Variants in PLEKHG5 observed in about 807,000 individuals in gnomAD.
PLEKHG5 encodes the protein pleckstrin homology and RhoGEF domain containing G5.
In PLEKHG5, 52 loss-of-function variants were observed where a neutral mutation model predicts 103.8. The ratio of observed to expected loss-of-function variants is 0.50; its 90% CI spans 0.40 to 0.63. The LOEUF (loss-of-function observed/expected upper bound fraction) is 0.63. Ranked by LOEUF, PLEKHG5 falls within the 30% of genes least tolerant of loss-of-function variation. The pLI, the probability that PLEKHG5 is intolerant of heterozygous loss-of-function variation, is 0.00. For missense variants in PLEKHG5, 1,205 were observed against 1,347.6 expected (o/e 0.89, Z 1.66); for synonymous variants, 592 against 575.5 (o/e 1.03, Z -0.41).
chr1:6,504,480 G>T (rs916229867), intron 1 of PLEKHG5, among the ~76,000 whole-genome samples: 2 of 152,184 alleles, frequency 1.3e-5, no homozygotes, highest in African/African-American at 4.8e-5. Context: ...CCACAGTGGG[G>T]GGCTGGTCAC....
upstream of PLEKHG5, among the ~76,000 whole-genome samples, chr1:6,498,602 G>A (rs1163485910): frequency 6.6e-6 from 1 of 152,206 alleles, no homozygotes; most frequent in Admixed American, 6.5e-5. Context: ...GTAGCCCTTT[G>A]GGGGGCAGCA....
upstream of PLEKHG5, chr1:6,497,413 G>T: frequency 1.0e-6 from 1 of 980,106 alleles, no homozygotes; most frequent in Non-Finnish European, 1.2e-6. The surrounding 1 kb of genome is among the most constrained non-coding windows in gnomAD (Gnocchi z 6.1). Flanking sequence ...CGCCGCCGCC[G>T]GACCCTCGCA....
At chr1:6,495,044 C>A (rs970301879), upstream of PLEKHG5, among the ~76,000 whole-genome samples, 28 of 152,198 alleles carry the variant, frequency 1.8e-4, no homozygotes, top group East Asian at 9.6e-4. Flanking sequence ...AGCTTGAGGA[C>A]CCCCCCTGAG....
At chr1:6,506,590 G>C (rs145444397) in intron 1 of PLEKHG5, among the ~76,000 whole-genome samples, 1 of 152,176 alleles carries the variant, frequency 6.6e-6, no homozygotes, top group African/African-American at 2.4e-5. Context: ...CTGTGACCCC[G>C]CTCCCAGCCC....
upstream of PLEKHG5, among the ~76,000 whole-genome samples, chr1:6,499,491 C>T (rs1645271905): frequency 2.0e-5 from 3 of 152,194 alleles, no homozygotes; most frequent in Admixed American, 2.0e-4. Flanking sequence ...GAGGTAGCTC[C>T]CTCTGGGCTC....
At chr1:6,476,129 G>T in intron 2 of PLEKHG5, 93 bp from the exon 3 acceptor site, 1 of 1,038,044 alleles carries the variant, frequency 9.6e-7, no homozygotes, top group Non-Finnish European at 1.5e-6. Flanking sequence ...TGTTACCCTG[G>T]AACCCCCAGA....
rs749015188 is a variant in PLEKHG5 at position 6,467,950 on chromosome 1, C to G, written c.2886G>C (p.Ser962=). 1 of 1,572,668 alleles carries G rather than the reference C, an allele frequency of 6.4e-7. No individual in the cohort carries two copies. The highest frequency in any genetic ancestry group is 1.9e-5 in the Admixed American group (1 of 53,474). The change falls in exon 20 of 21, where the codon TCG becomes TCC. Residue 962 remains serine, a synonymous_variant. Transcript: ENST00000377728. Reference sequence around the variant, plus strand: ...CAGGCTGGACCCTGGGAGAGGCCCCCGAGGGCAGGTCTCCACACCTCTTCC... The same window carrying G: ...CAGGCTGGACCCTGGGAGAGGCCCCGGAGGGCAGGTCTCCACACCTCTTCC... ...SHRKRCGDLP[S]GASPRVQPEP... is the part of the protein sequence containing the mutation.
rs761319705 is a variant in PLEKHG5, at chr1:6,519,445, C to T, written c.-165G>A. On this transcript the variant is annotated splice_region_variant and 5_prime_UTR_variant, in exon 1 of 22. Transcript: ENST00000377740. ...CAAAAGAGATAGAAAACATACTCAC[C>T]GGTTCCTGAACAAAGGCTGAGCCAG... 22 of 1,609,698 alleles carry T rather than the reference C, an allele frequency of 1.4e-5. No homozygotes were observed. In the Admixed American group the frequency reaches 1.5e-4, roughly 11 times the overall value.
Position 6,470,915 on chromosome 1 carries a change from G to A in PLEKHG5, c.1393-31C>T, listed in dbSNP as rs1333735644. 4 of 1,549,908 alleles carry A rather than the reference G, an allele frequency of 2.6e-6. No individual in the cohort carries two copies. In the South Asian group the frequency reaches 3.5e-5, roughly 14 times the overall value. ...GTGGGGGAGTGGGGGCGGGCTCAGGGCAGGCCCCGCCCCACCCGGCCCCGT... is the reference window on the plus strand; with the variant it reads ...GTGGGGGAGTGGGGGCGGGCTCAGGACAGGCCCCGCCCCACCCGGCCCCGT... On this transcript the variant is annotated intron_variant, in intron 13 of 20. Coordinates refer to ENST00000377728, the MANE Select transcript of PLEKHG5 (RefSeq NM_020631.6).
upstream of PLEKHG5, among the ~76,000 whole-genome samples, chr1:6,500,520 T>TC (rs1316923219): frequency 2.8e-5 from 4 of 145,110 alleles, no homozygotes; most frequent in East Asian, 2.0e-4. Flanking sequence ...AACCCTGAAC[T>TC]CCCCCCTCCG....
chr1:6,497,443 G>A (rs868663999), upstream of PLEKHG5: 1,164 of 642,128 alleles, frequency 1.8e-3, 5 homozygotes, highest in Middle Eastern at 0.014. The surrounding 1 kb of genome is among the most constrained non-coding windows in gnomAD (Gnocchi z 6.1). Context: ...GGCGGGGCAG[G>A]TGGGCGGGGA....
At position 6,474,597 on chromosome 1, in the gene PLEKHG5, G is replaced by T; in HGVS notation, c.303-10C>A. 1 of 1,613,236 alleles carries T rather than the reference G, an allele frequency of 6.2e-7. No homozygotes were observed. The highest frequency in any genetic ancestry group is 1.1e-5 in the South Asian group (1 of 91,080). ...AGGCAGCAGCACCTCCCTGCCCCCA[G>T]GACAGGAGGCATGTGTGTTAGAACC... On this transcript the variant is annotated splice_polypyrimidine_tract_variant and intron_variant, in intron 5 of 20. Coordinates refer to ENST00000377728, the MANE Select transcript of PLEKHG5 (RefSeq NM_020631.6).
rs1281567980 is a variant in PLEKHG5 at position 6,470,648 on chromosome 1, G to C, written c.1543-5C>G. On this transcript the variant is annotated splice_region_variant and splice_polypyrimidine_tract_variant and intron_variant, in intron 14 of 20. Transcript: ENST00000377728. ...GAAGCGCTCCACGGAGCCGATCTAG[G>C]GGCAGGTGAGGGAGCTTCAGGTCCA... The C allele has an allele frequency of 2.6e-6, 4 of 1,564,800 alleles. No individual in the cohort carries two copies. The South Asian group carries it at 4.6e-5, about 18-fold the overall frequency.
chr1:6,482,761 A>G (rs899803016), intron 1 of PLEKHG5, among the ~76,000 whole-genome samples: 4 of 151,878 alleles, frequency 2.6e-5, no homozygotes, highest in Non-Finnish European at 4.4e-5. Flanking sequence ...CAGGCTGGAG[A>G]GCAGTGGCAT....
rs921634361 is a variant in PLEKHG5, at chr1:6,471,787, T to C, written c.1102A>G (p.Asn368Asp). 6.2e-7 allele frequency: 1 copy of C among 1,610,232 alleles called. No individual in the cohort carries two copies. The highest frequency in any genetic ancestry group is 2.2e-5 in the East Asian group (1 of 44,822). ...IINLFLCCLLNLQESGLLCEV... is the reference protein window; with the variant it reads ...IINLFLCCLLDLQESGLLCEV... The stretch of plus-strand genomic sequence containing the variant: ...CACAGCAGCCCTGACTCTTGCAGGT[T>C]CAGGAGGCAGCACAGGAACAGCTGT... Residue 368 changes from asparagine (N) to aspartate (D), a missense_variant, in exon 11 of 21, where the codon AAC becomes GAC. Transcript: ENST00000377728.
chr1:6,502,817 C>T (rs1224215218), intron 1 of PLEKHG5, among the ~76,000 whole-genome samples: 2 of 152,246 alleles, frequency 1.3e-5, no homozygotes, highest in Non-Finnish European at 2.9e-5. Flanking sequence ...CACAGACAGC[C>T]GTGTGCCCAG....
chr1:6,471,738 G>A lies in PLEKHG5; in HGVS notation c.1131+20C>T. ...CCTTCCTGGTACCTCACCCGCCGCC[G>A]CCCCCGAATCCCAGCGCACCTCACA... On this transcript the variant is annotated intron_variant, in intron 11 of 20. Coordinates refer to ENST00000377728, the MANE Select transcript of PLEKHG5 (RefSeq NM_020631.6). 5 of 1,603,004 alleles carry A rather than the reference G, an allele frequency of 3.1e-6. No homozygotes were observed. Among genetic ancestry groups the A allele is most frequent in the Non-Finnish European group, 4.3e-6 (5 of 1,175,254 alleles).
chr1:6,467,568 C>T lies in PLEKHG5; in HGVS notation c.3016G>A (p.Val1006Ile). The T allele has an allele frequency of 6.2e-7, 1 of 1,613,490 alleles. No homozygotes were observed. The highest frequency in any genetic ancestry group is 1.1e-5 in the South Asian group (1 of 91,078). The change falls in exon 21 of 21, where the codon GTC (valine) becomes ATC (isoleucine). Residue 1006 changes from valine to isoleucine, a missense_variant. Transcript: ENST00000377728. Reference protein sequence around the residue: ...LLNSTLTASEV With the variant: ...LLNSTLTASEI ...TCTTGGGGGCCTCCCTCTGCTCAGA[C>T]CTCCCTACAGGGTGGGGAGGGGACA...
intron 1 of PLEKHG5, among the ~76,000 whole-genome samples, chr1:6,481,554 A>T (rs1289090746): frequency 7.0e-6 from 1 of 143,336 alleles, no homozygotes. Flanking sequence ...TAAATAAATA[A>T]ATAAATAAAT....
Sources: gnomAD v4.1 joint callset for allele counts (sites outside exome capture counted in the v4.1 genomes callset) on GRCh38, gnomAD v4.1.1 for gene constraint, Gnocchi (gnomAD v3.1) non-coding constraint, MANE v1.5 for transcripts, NCBI Gene and HGNC (gene_info 2026-07-23, HGNC 2026-07-21) for gene names.